Variants in RIT1 observed in about 807,000 individuals in gnomAD.
RIT1 encodes GTP-binding protein Rit1.
RIT1 carries 6 observed loss-of-function variants against 25.6 expected under a neutral mutation model. The ratio of observed to expected loss-of-function variants is 0.23; its 90% CI spans 0.13 to 0.46. The LOEUF (loss-of-function observed/expected upper bound fraction) is 0.46. Ranked by LOEUF, RIT1 falls within the 20% of genes least tolerant of loss-of-function variation. The pLI is 0.99. For synonymous variants in RIT1, 81 were observed against 94.1 expected (o/e 0.86, Z 0.80); for missense variants, 219 against 284.4 (o/e 0.77, Z 1.65).
At position 155,898,972 on chromosome 1, in the gene RIT1, C is replaced by T. The variant is rs1030734912; in HGVS notation, c.*1416G>A. On this transcript the variant is annotated 3_prime_UTR_variant, in exon 6 of 6. Transcript: ENST00000368323. Reference sequence around the variant, plus strand: ...GCTGTGTGCTTATAAAGAGGTGCTACACAAGTCATCTTACGTTTCTAGTCA... The same window carrying T: ...GCTGTGTGCTTATAAAGAGGTGCTATACAAGTCATCTTACGTTTCTAGTCA... 4.7e-6 allele frequency: 1 copy of T among 212,960 alleles called. No individual in the cohort carries two copies. Among genetic ancestry groups the T allele is most frequent in the African/African-American group, 2.3e-5 (1 of 44,188 alleles). 13.2% of individuals were successfully genotyped at this position (212,960 alleles called of 1,614,324 possible).
At chr1:155,909,728 C>A (rs1251056645) in intron 3 of RIT1, among the ~76,000 whole-genome samples, 2 of 151,902 alleles carry the variant, frequency 1.3e-5, no homozygotes, top group Non-Finnish European at 2.9e-5. Flanking sequence ...TTGAGACCAG[C>A]CTGGCCAACA....
intron 3 of RIT1, among the ~76,000 whole-genome samples, chr1:155,906,395 T>C (rs1470846065): frequency 6.6e-6 from 1 of 152,122 alleles, no homozygotes; most frequent in African/African-American, 2.4e-5. Flanking sequence ...TCATTAGGAT[T>C]AGTGAGTTGT....
Position 155,900,233 on chromosome 1 carries a change from A to C in RIT1, c.*155T>G. ...TTAATAAATCATACTTAACTAAGAG[A>C]CAATACTTTAAATACCACATCATTA... On this transcript the variant is annotated 3_prime_UTR_variant, in exon 6 of 6. Coordinates refer to ENST00000368323, the MANE Select transcript of RIT1 (RefSeq NM_006912.6). The C allele has an allele frequency of 1.6e-6, 1 of 627,218 alleles. No homozygotes were observed. The highest frequency in any genetic ancestry group is 2.8e-6 in the Non-Finnish European group (1 of 353,550). 38.9% of individuals were successfully genotyped at this position (627,218 alleles called of 1,614,324 possible). A position where few individuals can be genotyped will look rare whatever the true frequency, so the allele number is the denominator to read the frequency against.
At chr1:155,901,278 T>C (rs1237672595) in intron 5 of RIT1, among the ~76,000 whole-genome samples, 2 of 152,120 alleles carry the variant, frequency 1.3e-5, no homozygotes, top group African/African-American at 2.4e-5. Context: ...GGTAGGAGGA[T>C]TGCTTGAGCC....
At chr1:155,910,989 A>G (rs966724932) in intron 1 of RIT1, 185 bp from the exon 2 acceptor site, 1 of 1,339,790 alleles carries the variant, frequency 7.5e-7, no homozygotes, top group African/African-American at 1.5e-5. Flanking sequence ...CCTCCCTCCT[A>G]GACAGTTCAG....
In RIT1 at chr1:155,898,677, T is replaced by A. The variant is rs957260286; in HGVS notation, c.*1711A>T. On this transcript the variant is annotated 3_prime_UTR_variant, in exon 6 of 6. Coordinates refer to ENST00000368323, the MANE Select transcript of RIT1 (RefSeq NM_006912.6). ...ATTGCACTGTATTTCTTTTCTACTT[T>A]GATGCTTTTCCAAAGTGCTATAGTT... The A allele has an allele frequency of 3.6e-5, 7 of 192,638 alleles. No homozygotes were observed. The highest frequency in any genetic ancestry group is 1.6e-4 in the African/African-American group (7 of 42,972). The allele number at this position is 192,638 out of a possible 1,614,324, so 11.9% of individuals were successfully genotyped here. A position where few individuals can be genotyped will look rare whatever the true frequency, so the allele number is the denominator to read the frequency against.
intron 5 of RIT1, among the ~76,000 whole-genome samples, chr1:155,901,662 A>G (rs140521111): frequency 2.0e-4 from 30 of 152,102 alleles, no homozygotes; most frequent in African/African-American, 5.8e-4. Flanking sequence ...AAAAAAAGAA[A>G]AAAAAATTAG....
At chr1:155,904,916 A>G in intron 3 of RIT1, 112 bp from the exon 4 acceptor site, 1 of 702,172 alleles carries the variant, frequency 1.4e-6, no homozygotes, top group Non-Finnish European at 2.5e-6. Flanking sequence ...AAATGCCCAC[A>G]TTTTCTCAGG....
intron 3 of RIT1, among the ~76,000 whole-genome samples, chr1:155,909,099 C>T (rs1439444290): frequency 1.1e-4 from 16 of 151,752 alleles, no homozygotes; most frequent in African/African-American, 4.8e-5. Context: ...TAATAAGGCC[C>T]GGCGCAGTGG....
In RIT1 at chr1:155,900,379, ATCT is replaced by A. The variant is rs1673286711; in HGVS notation, c.*6_*8del. 1 of 1,602,184 alleles carries A rather than the reference ATCT, an allele frequency of 6.2e-7. No homozygotes were observed. Among genetic ancestry groups the A allele is most frequent in the South Asian group, 1.1e-5 (1 of 90,848 alleles). On this transcript the variant is annotated 3_prime_UTR_variant, in exon 6 of 6. Transcript: ENST00000368323. ...TGCAGTTCACAGATAAACACTTCAC[ATCT>A]TCTCTTCAAGTTACTGAATCTTTCT...
chr1:155,901,082 T>C (rs1480258807), intron 5 of RIT1, among the ~76,000 whole-genome samples: 1 of 152,256 alleles, frequency 6.6e-6, no homozygotes, highest in Admixed American at 6.5e-5. Context: ...CCCAAAGTAC[T>C]GGGATTACAG....
intron 3 of RIT1, among the ~76,000 whole-genome samples, chr1:155,905,364 A>AT (rs1557960532): frequency 6.6e-6 from 1 of 151,750 alleles, no homozygotes; most frequent in Non-Finnish European, 1.5e-5. Flanking sequence ...TGTCTGGCTA[A>AT]TTTTTTTGTA....
At chr1:155,910,127 C>T (rs536746525) in intron 3 of RIT1, 10 of 231,560 alleles carry the variant, frequency 4.3e-5, no homozygotes, top group Non-Finnish European at 6.8e-5. Flanking sequence ...AGTTACAGAG[C>T]GAGTCTCAAG....
At chr1:155,901,485 A>T (rs1436816210) in intron 5 of RIT1, among the ~76,000 whole-genome samples, 1 of 151,960 alleles carries the variant, frequency 6.6e-6, no homozygotes, top group African/African-American at 2.4e-5. Flanking sequence ...CCACTTAAAA[A>T]AAACTAGCTG....
chr1:155,901,045 C>T (rs553163312), intron 5 of RIT1, among the ~76,000 whole-genome samples: 1 of 152,316 alleles, frequency 6.6e-6, no homozygotes, highest in East Asian at 1.9e-4. Flanking sequence ...AAACTCCTGA[C>T]CTCAGGTGAT....
chr1:155,904,192 G>T, intron 5 of RIT1, 119 bp downstream of exon 5: 1 of 757,968 alleles, frequency 1.3e-6, no homozygotes, highest in Non-Finnish European at 2.1e-6. Flanking sequence ...ACCTCACCCA[G>T]CCTGATTTTC....
intron 3 of RIT1, 122 bp from the exon 4 acceptor site, chr1:155,904,926 G>A (rs1172494730): frequency 3.0e-6 from 2 of 667,468 alleles, no homozygotes; most frequent in Non-Finnish European, 5.3e-6. Flanking sequence ...ATTTTCTCAG[G>A]AAGCATGCTA....
At position 155,899,522 on chromosome 1, in the gene RIT1, T is replaced by G; in HGVS notation, c.*866A>C. The G allele has an allele frequency of 4.5e-6, 1 of 224,294 alleles. No homozygotes were observed. The highest frequency in any genetic ancestry group is 8.9e-6 in the Non-Finnish European group (1 of 112,208). The allele number at this position is 224,294 out of a possible 1,614,324, so 13.9% of individuals were successfully genotyped here. On this transcript the variant is annotated 3_prime_UTR_variant, in exon 6 of 6. Coordinates refer to ENST00000368323, the MANE Select transcript of RIT1 (RefSeq NM_006912.6). ...GAGGAAGCAATGAATATAAATGTGT[T>G]GGTGTGTGCGTCTGTGGGGAAAAAA...
Position 155,911,269 on chromosome 1 carries a change from T to G in RIT1, c.-70A>C. On this transcript the variant is annotated 5_prime_UTR_variant, in exon 1 of 6. Transcript: ENST00000368323. ...TCACAAGCCGACGCCCTGCTGCTCCTACTGGTCAGTGGGGACTGGAACACC... is the reference window on the plus strand; with the variant it reads ...TCACAAGCCGACGCCCTGCTGCTCCGACTGGTCAGTGGGGACTGGAACACC... 3.4e-6 allele frequency: 1 copy of G among 290,190 alleles called. No individual in the cohort carries two copies. 18.0% of individuals were successfully genotyped at this position (290,190 alleles called of 1,614,324 possible).
Sources: gnomAD v4.1 joint callset for allele counts (sites outside exome capture counted in the v4.1 genomes callset) on GRCh38, gnomAD v4.1.1 for gene constraint, MANE v1.5 for transcripts, NCBI Gene and HGNC (gene_info 2026-07-23, HGNC 2026-07-21) for gene names.